GASK1A: variants seen among roughly 807,000 people sequenced by gnomAD.
GASK1A encodes golgi associated kinase 1A.
In GASK1A, 40 loss-of-function variants were observed where a neutral mutation model predicts 41.2. The ratio of observed to expected loss-of-function variants is 0.97; its 90% CI spans 0.75 to 1.27. GASK1A has a LOEUF of 1.27. Among genes scored for constraint, GASK1A ranks in the 50% most tolerant of loss-of-function variants. The pLI is 0.00. For missense variants in GASK1A, 678 were observed against 745.1 expected, an observed-to-expected ratio of 0.91 and a Z score of 1.05; for synonymous variants, 316 against 307.1, an observed-to-expected ratio of 1.03 and a Z score of -0.30.
chr3:42,987,165 A>G (rs1221194592), intron 1 of GASK1A, among the ~76,000 whole-genome samples: 1 of 152,256 alleles, frequency 6.6e-6, no homozygotes, highest in Non-Finnish European at 1.5e-5. Flanking sequence ...ACCTGAACAA[A>G]GGGGCACGAG....
chr3:43,022,357 C>G (rs1345168295), intron 1 of GASK1A, among the ~76,000 whole-genome samples: 3 of 152,098 alleles, frequency 2.0e-5, no homozygotes, highest in Non-Finnish European at 2.9e-5. Flanking sequence ...TTTTCTGAAG[C>G]CAAGTGAGGC....
intron 2 of GASK1A, among the ~76,000 whole-genome samples, chr3:43,051,955 C>T (rs2089693423): frequency 6.6e-6 from 1 of 152,128 alleles, no homozygotes; most frequent in Admixed American, 6.5e-5. Context: ...TCAGAGTGTC[C>T]AATCTAGGTC....
At chr3:43,026,064 G>C (rs150648208) in intron 1 of GASK1A, among the ~76,000 whole-genome samples, 1 of 152,166 alleles carries the variant, frequency 6.6e-6, no homozygotes, top group African/African-American at 2.4e-5. Context: ...GAAATATGCC[G>C]GAAGGTGAGT....
intron 2 of GASK1A, among the ~76,000 whole-genome samples, chr3:43,042,212 T>C (rs895299568): frequency 6.6e-6 from 1 of 151,032 alleles, no homozygotes; most frequent in Non-Finnish European, 1.5e-5. Flanking sequence ...CTTACAACTG[T>C]AATCCCAGCA....
intron 1 of GASK1A, among the ~76,000 whole-genome samples, chr3:43,019,440 T>C (rs1442008725): frequency 6.6e-6 from 1 of 152,190 alleles, no homozygotes; most frequent in Non-Finnish European, 1.5e-5. Context: ...GGTCTGACTT[T>C]GGGAAATCAA....
chr3:43,051,852 A>G (rs892205248), intron 2 of GASK1A, among the ~76,000 whole-genome samples: 12 of 152,178 alleles, frequency 7.9e-5, no homozygotes, highest in African/African-American at 2.9e-4. Flanking sequence ...TGCTCCCTTC[A>G]TACTGAGTTT....
At chr3:43,049,929 C>G (rs890016074) in intron 2 of GASK1A, among the ~76,000 whole-genome samples, 3 of 151,172 alleles carry the variant, frequency 2.0e-5, no homozygotes, top group African/African-American at 4.8e-5. Flanking sequence ...TCTCTCCCCC[C>G]CCACTTTTAT....
chr3:42,988,232 T>C (rs1029668048), intron 1 of GASK1A, among the ~76,000 whole-genome samples: 2 of 152,070 alleles, frequency 1.3e-5, no homozygotes, highest in African/African-American at 2.4e-5. Context: ...CCTCCTGCCA[T>C]GAGCTTGGAA....
chr3:43,021,158 A>G (rs2125683031), intron 1 of GASK1A, among the ~76,000 whole-genome samples: 1 of 152,284 alleles, frequency 6.6e-6, no homozygotes, highest in African/African-American at 2.4e-5. Flanking sequence ...TCCTTCAGGC[A>G]GAACTCTCCT....
chr3:43,015,526 A>G lies in GASK1A; in HGVS notation c.4-16741A>G, dbSNP rs1309730885. 1.2e-4 allele frequency among the ~76,000 whole-genome samples: 17 copies of G among 144,594 alleles called. No homozygotes were observed. The East Asian group carries it at 3.7e-3, about 31-fold the overall frequency. The allele number at this position is 144,594 out of a possible 152,430, so 94.9% of individuals were successfully genotyped here. A position where few individuals can be genotyped will look rare whatever the true frequency, so the allele number is the denominator to read the frequency against. On this transcript the variant is annotated intron_variant, in intron 1 of 4. Transcript: ENST00000430121. ...GCAGTGTGAAGCCATAGGAAGGTAC[A>G]GTGTGAAGTCACAAGAAAGGGGCTG...
chr3:43,015,061 G>C (rs1559400955), intron 1 of GASK1A, among the ~76,000 whole-genome samples: 1 of 151,662 alleles, frequency 6.6e-6, no homozygotes, highest in Non-Finnish European at 1.5e-5. Context: ...GGAAGTGGCT[G>C]TGTGAAGCCA....
chr3:43,021,711 G>A (rs1037935515), intron 1 of GASK1A, among the ~76,000 whole-genome samples: 1 of 152,248 alleles, frequency 6.6e-6, no homozygotes, highest in Non-Finnish European at 1.5e-5. Context: ...AAACAGGGCA[G>A]AGAGGTTGTG....
At chr3:43,006,261 C>T (rs149114793) in intron 1 of GASK1A, among the ~76,000 whole-genome samples, 94 of 152,290 alleles carry the variant, frequency 6.2e-4, no homozygotes, top group African/African-American at 2.0e-3. Flanking sequence ...CAGCATCCCA[C>T]GAGTCTCTTT....
Position 43,056,514 on chromosome 3 carries a change from C to A in GASK1A, c.*128C>A. 1 of 819,314 alleles carries A rather than the reference C, an allele frequency of 1.2e-6. No individual in the cohort carries two copies. Among genetic ancestry groups the A allele is most frequent in the Non-Finnish European group, 1.9e-6 (1 of 535,542 alleles). The allele number at this position is 819,314 out of a possible 1,614,324, so 50.8% of individuals were successfully genotyped here. On this transcript the variant is annotated 3_prime_UTR_variant, in exon 5 of 5. Coordinates refer to ENST00000430121, the MANE Select transcript of GASK1A (RefSeq NM_001129908.3). ...CACAAGGATGTCACGGGATATTTCA[C>A]CTGCCTGGGATGGTGGAGGTAGTAT...
chr3:43,001,768 C>T (rs1376036544), intron 1 of GASK1A, among the ~76,000 whole-genome samples: 1 of 152,134 alleles, frequency 6.6e-6, no homozygotes, highest in Non-Finnish European at 1.5e-5. Flanking sequence ...CTGGGGGCCT[C>T]TGGAGGCAGT....
intron 1 of GASK1A, among the ~76,000 whole-genome samples, chr3:42,983,104 TG>T: frequency 6.6e-6 from 1 of 152,194 alleles, no homozygotes; most frequent in East Asian, 1.9e-4. Flanking sequence ...TGGTGTGGCT[TG>T]GAGTGGCAGA....
chr3:43,007,490 C>T (rs2125678643), intron 1 of GASK1A, among the ~76,000 whole-genome samples: 1 of 152,274 alleles, frequency 6.6e-6, no homozygotes, highest in Middle Eastern at 3.4e-3. Context: ...CGACTTTCAG[C>T]CAATCCTTTT....
At chr3:43,025,089 G>C (rs1575445106) in intron 1 of GASK1A, among the ~76,000 whole-genome samples, 1 of 152,158 alleles carries the variant, frequency 6.6e-6, no homozygotes, top group East Asian at 1.9e-4. Flanking sequence ...CATGGCTAGA[G>C]CACTTCCGGC....
At chr3:42,990,480 A>C (rs1460354107) in intron 1 of GASK1A, among the ~76,000 whole-genome samples, 2 of 152,176 alleles carry the variant, frequency 1.3e-5, no homozygotes, top group Non-Finnish European at 2.9e-5. Context: ...AAGGGAGGAC[A>C]AAGGAAACCC....
Sources: allele counts gnomAD v4.1 joint callset (sites outside exome capture counted in the v4.1 genomes callset), GRCh38; gene constraint gnomAD v4.1.1; transcripts MANE v1.5; gene names NCBI Gene and HGNC (gene_info 2026-07-23, HGNC 2026-07-21).